The following MYO1H variants were observed in gnomAD, a reference collection of about 807,000 sequenced individuals.
MYO1H encodes the protein myosin IH, also known as unconventional myosin-Ih.
Under a neutral mutation model 149.3 loss-of-function variants are expected in MYO1H, and 118 were observed. The observed-to-expected ratio is 0.79, with a 90% CI of 0.68 to 0.92. The LOEUF (loss-of-function observed/expected upper bound fraction) is 0.92, where lower values mean the gene tolerates loss of function less well. Among genes scored for constraint, MYO1H ranks in the 40% least tolerant of loss-of-function variants. The pLI, the probability that MYO1H is intolerant of heterozygous loss-of-function variation, is 0.00. For missense variants in MYO1H, 1,212 were observed against 1,280.7 expected (o/e 0.95, Z 0.82); for synonymous variants, 447 against 465.2 (o/e 0.96, Z 0.50).
chr12:109,391,511 T>C (rs1448348607), intron 2 of MYO1H, among the ~76,000 whole-genome samples: 2 of 152,222 alleles, frequency 1.3e-5, no homozygotes, highest in African/African-American at 4.8e-5. Context: ...TTCCATGTCT[T>C]TGATGTTGTG....
chr12:109,396,897 G>A lies in MYO1H; in HGVS notation c.489+315G>A, dbSNP rs1054400454. Among the ~76,000 whole-genome samples the A allele has an allele frequency of 3.2e-5, 4 of 125,194 alleles. No individual in the cohort carries two copies. The East Asian group carries it at 8.0e-4, about 25-fold the overall frequency. 82.1% of individuals were successfully genotyped at this position (125,194 alleles called of 152,430 possible). On this transcript the variant is annotated intron_variant, in intron 4 of 31. Transcript: ENST00000310903. ...GCCTGGAGTACAGTGGCACAATCTC[G>A]GCTCACAGAAACCTCCGCCTCCTGA...
intron 1 of MYO1H, 81 bp downstream of exon 1, chr12:109,348,053 T>G: frequency 2.5e-6 from 1 of 399,072 alleles, no homozygotes; most frequent in African/African-American, 2.1e-5. Context: ...GCTATAATGC[T>G]GGGCCTCTGC....
At chr12:109,342,672 A>T in the MYO1H span, among the ~76,000 whole-genome samples, 2 of 149,146 alleles carry the variant, frequency 1.3e-5, no homozygotes, top group Non-Finnish European at 3.0e-5. Flanking sequence ...CCTTCCAAGT[A>T]TTTGGGACCA....
chr12:109,397,899 C>T (rs1010933334), intron 5 of MYO1H, 87 bp downstream of exon 5: 140 of 982,326 alleles, frequency 1.4e-4, no homozygotes, highest in Non-Finnish European at 1.7e-4. Flanking sequence ...AAGGGGAGAA[C>T]GGCATTTTTT....
At chr12:109,346,665 G>A (rs561314487), upstream of MYO1H, among the ~76,000 whole-genome samples, 1 of 152,070 alleles carries the variant, frequency 6.6e-6, no homozygotes, top group Non-Finnish European at 1.5e-5. Context: ...AGGAGGCTGA[G>A]GCAGGAGAAT....
chr12:109,372,283 C>A (rs73403732), intron 1 of MYO1H, among the ~76,000 whole-genome samples: 95 of 151,986 alleles, frequency 6.3e-4, no homozygotes, highest in African/African-American at 2.2e-3. Context: ...ATCTTTGATC[C>A]TTCCAGAATT....
At chr12:109,377,236 A>G (rs1237811969) in intron 1 of MYO1H, among the ~76,000 whole-genome samples, 7 of 152,096 alleles carry the variant, frequency 4.6e-5, no homozygotes, top group Admixed American at 4.6e-4. Context: ...ATAAAGAAAG[A>G]AAGGTTTATT....
chr12:109,341,220 G>A, the MYO1H span, among the ~76,000 whole-genome samples: 10 of 99,658 alleles, frequency 1.0e-4, no homozygotes, highest in Non-Finnish European at 1.8e-4. Flanking sequence ...AGATTTCAGC[G>A]TTCCATCTCA....
chr12:109,393,232 T>C, intron 2 of MYO1H, 99 bp from the exon 3 acceptor site: 1 of 760,852 alleles, frequency 1.3e-6, no homozygotes, highest in Non-Finnish European at 2.3e-6. Flanking sequence ...GATTTATCAT[T>C]TTAAATCCTC....
chr12:109,411,203 A>G (rs1870653800), intron 13 of MYO1H, among the ~76,000 whole-genome samples: 1 of 152,212 alleles, frequency 6.6e-6, no homozygotes, highest in Admixed American at 6.5e-5. Context: ...TCCTGGGCTC[A>G]AGCAGTCCTC....
intron 28 of MYO1H, 119 bp from the exon 29 acceptor site, chr12:109,444,094 C>G: frequency 1.3e-6 from 1 of 789,080 alleles, no homozygotes; most frequent in Non-Finnish European, 2.2e-6. Flanking sequence ...CTTCATCCTT[C>G]TGGGCCCAGC....
chr12:109,396,114 G>C (rs898515506), intron 3 of MYO1H, among the ~76,000 whole-genome samples: 2 of 151,876 alleles, frequency 1.3e-5, no homozygotes, highest in Admixed American at 6.6e-5. Context: ...GTACAGAAGG[G>C]ATTTCATCAT....
At chr12:109,445,982 G>A (rs1289786583) in intron 31 of MYO1H, 1 of 985,292 alleles carries the variant, frequency 1.0e-6, no homozygotes, top group Admixed American at 6.1e-5. Context: ...GTCCCACCCA[G>A]ATACTGAGAC....
chr12:109,353,325 C>T (rs914761225), intron 1 of MYO1H, among the ~76,000 whole-genome samples: 15 of 130,454 alleles, frequency 1.1e-4, no homozygotes, highest in African/African-American at 2.8e-5. Flanking sequence ...ACCCGGGAGG[C>T]GGAGGTTGCA....
chr12:109,385,326 A>T (rs1214147397), intron 1 of MYO1H, among the ~76,000 whole-genome samples: 2 of 143,446 alleles, frequency 1.4e-5, no homozygotes, highest in Non-Finnish European at 3.0e-5. Flanking sequence ...ACAATGTCTC[A>T]CTCTGTTGCC....
rs1419873958 is a variant in MYO1H at position 109,407,217 on chromosome 12, C to T, written c.1035+357C>T. On this transcript the variant is annotated intron_variant, in intron 9 of 31. Coordinates refer to ENST00000310903, the Ensembl canonical transcript of MYO1H. ...AAGGAGCCTTCTCTGATCCTCCCAC[C>T]TCTACGTCAAAGCACCCTATGTATC... Among the ~76,000 whole-genome samples the T allele has an allele frequency of 3.3e-5, 5 of 152,280 alleles. No homozygotes were observed. The East Asian group carries it at 9.7e-4, about 29-fold the overall frequency.
At chr12:109,396,808 G>GTTTTT (rs1869928263) in intron 4 of MYO1H, among the ~76,000 whole-genome samples, 1 of 44,212 alleles carries the variant, frequency 2.3e-5, no homozygotes, top group Non-Finnish European at 5.4e-5. Context: ...TTTTTGTTTT[G>GTTTTT]GTTTCGTTTT....
At chr12:109,340,684 T>A in the MYO1H span, among the ~76,000 whole-genome samples, 2 of 151,740 alleles carry the variant, frequency 1.3e-5, no homozygotes, top group South Asian at 4.2e-4. Context: ...TTAGTCTTTT[T>A]AAATTACATT....
chr12:109,447,327 G>A (rs1242655340), exon 32 of MYO1H: 3 of 762,728 alleles, frequency 3.9e-6, no homozygotes, highest in Non-Finnish European at 4.6e-6. Flanking sequence ...GAAACTGAGG[G>A]GCGTTAGGCC....
Sources: allele counts gnomAD v4.1 joint callset (sites outside exome capture counted in the v4.1 genomes callset), GRCh38; gene constraint gnomAD v4.1.1; transcripts MANE v1.5; gene names NCBI Gene and HGNC (gene_info 2026-07-23, HGNC 2026-07-21).